KANSL1: variants seen among roughly 807,000 people sequenced by gnomAD.
The protein encoded by KANSL1 is KAT8 regulatory NSL complex subunit 1, also known as MLL1/MLL complex subunit KANSL1.
Under a neutral mutation model 103.6 loss-of-function variants are expected in KANSL1, and 22 were observed. The ratio of observed to expected loss-of-function variants is 0.21; its 90% CI spans 0.15 to 0.30. The LOEUF is 0.30. Among genes scored for constraint, KANSL1 ranks in the 10% least tolerant of loss-of-function variants. The pLI, the probability that KANSL1 is intolerant of heterozygous loss-of-function variation, is 1.00. For missense variants in KANSL1, 1,337 were observed against 1,399.8 expected, an observed-to-expected ratio of 0.96 and a Z score of 0.72; for synonymous variants, 600 against 527.6, an observed-to-expected ratio of 1.14 and a Z score of -1.88.
intron 1 of KANSL1, among the ~76,000 whole-genome samples, chr17:46,212,364 G>A (rs2048191849): frequency 1.3e-5 from 2 of 152,084 alleles, no homozygotes; most frequent in African/African-American, 4.8e-5. Context: ...GGGATTTCAG[G>A]CACGTGCCAC....
At chr17:46,090,472 T>C (rs1217706026) in intron 3 of KANSL1, among the ~76,000 whole-genome samples, 1 of 152,274 alleles carries the variant, frequency 6.6e-6, no homozygotes, top group Non-Finnish European at 1.5e-5. Context: ...CCTAGTTTTA[T>C]TCTTCCTATC....
At chr17:46,099,174 A>C (rs1201370734) in intron 2 of KANSL1, among the ~76,000 whole-genome samples, 1 of 145,024 alleles carries the variant, frequency 6.9e-6, no homozygotes, top group Non-Finnish European at 1.6e-5. Flanking sequence ...ATACAAAAAA[A>C]TTAGCCGGGC....
intron 4 of KANSL1, among the ~76,000 whole-genome samples, chr17:46,078,259 C>T (rs566012167): frequency 6.6e-6 from 1 of 152,314 alleles, no homozygotes; most frequent in South Asian, 2.1e-4. Flanking sequence ...TCAATCAAAG[C>T]CCTCAGGTTT....
intron 2 of KANSL1, among the ~76,000 whole-genome samples, chr17:46,157,188 A>G (rs1057125655): frequency 2.0e-5 from 3 of 152,248 alleles, no homozygotes; most frequent in Non-Finnish European, 4.4e-5. Flanking sequence ...GACACATTTT[A>G]GTTTCCATTC....
At chr17:46,118,154 C>G (rs929242387) in intron 2 of KANSL1, among the ~76,000 whole-genome samples, 4 of 152,136 alleles carry the variant, frequency 2.6e-5, no homozygotes, top group African/African-American at 9.7e-5. Context: ...TTTTTAAACT[C>G]TTAGATAAAA....
At position 46,066,463 on chromosome 17, in the gene KANSL1, A is replaced by T. The variant is rs373095769; in HGVS notation, c.1848+74T>A. ...GTTAGCCAAGTTTAGAAAACACCAAAGTTGGCAAGAGACTAACTCTATCTG... is the reference window on the plus strand; with the variant it reads ...GTTAGCCAAGTTTAGAAAACACCAATGTTGGCAAGAGACTAACTCTATCTG... On this transcript the variant is annotated intron_variant, in intron 6 of 14. Coordinates refer to ENST00000432791, the MANE Select transcript of KANSL1 (RefSeq NM_015443.4). 2.3e-4 allele frequency: 305 copies of T among 1,350,978 alleles called. 5 individuals are homozygous for T. In the South Asian group the frequency reaches 5.4e-3, roughly 24 times the overall value. 83.7% of individuals were successfully genotyped at this position (1,350,978 alleles called of 1,614,324 possible). A position where few individuals can be genotyped will look rare whatever the true frequency, so the allele number is the denominator to read the frequency against.
intron 1 of KANSL1, among the ~76,000 whole-genome samples, chr17:46,182,551 T>A (rs752888322): frequency 3.3e-5 from 5 of 152,258 alleles, no homozygotes; most frequent in Non-Finnish European, 7.3e-5. Context: ...CAGGGCTTCT[T>A]AACTGAAAAA....
intron 2 of KANSL1, among the ~76,000 whole-genome samples, chr17:46,136,467 A>C (rs2044149752): frequency 6.6e-6 from 1 of 152,228 alleles, no homozygotes; most frequent in Non-Finnish European, 1.5e-5. Context: ...GTCTTCCCCT[A>C]CAAATGCTAA....
intron 1 of KANSL1, among the ~76,000 whole-genome samples, chr17:46,178,303 C>T (rs1261449578): frequency 2.0e-5 from 3 of 152,216 alleles, no homozygotes; most frequent in African/African-American, 7.2e-5. Context: ...GATAAATCAT[C>T]TTTCTCCAAA....
At chr17:46,095,981 G>A (rs1053267510) in intron 2 of KANSL1, among the ~76,000 whole-genome samples, 2 of 152,080 alleles carry the variant, frequency 1.3e-5, no homozygotes, top group Middle Eastern at 3.2e-3. Flanking sequence ...ATGGGAAAAC[G>A]CACAGTCTCA....
intron 4 of KANSL1, among the ~76,000 whole-genome samples, chr17:46,076,474 T>C (rs921533507): frequency 4.3e-5 from 6 of 141,014 alleles, no homozygotes; most frequent in Admixed American, 7.7e-5. Context: ...CCAGCCCGAG[T>C]GACAGGGAGA....
At chr17:46,156,185 T>C (rs1371703725) in intron 2 of KANSL1, among the ~76,000 whole-genome samples, 1 of 152,114 alleles carries the variant, frequency 6.6e-6, no homozygotes, top group Non-Finnish European at 1.5e-5. Context: ...CCATCTCTAC[T>C]AGAAATACAA....
At chr17:46,178,391 A>G (rs1297408687) in intron 1 of KANSL1, among the ~76,000 whole-genome samples, 3 of 152,280 alleles carry the variant, frequency 2.0e-5, no homozygotes, top group East Asian at 3.8e-4. Context: ...GGCTGAGATT[A>G]TAATTTCTAA....
At chr17:46,085,191 TAGTC>T (rs1379455858) in intron 3 of KANSL1, among the ~76,000 whole-genome samples, 6 of 152,202 alleles carry the variant, frequency 3.9e-5, no homozygotes. Flanking sequence ...TAAGGGTTAT[TAGTC>T]AGTAGAAGGT....
chr17:46,083,384 T>C (rs572659454), intron 3 of KANSL1, among the ~76,000 whole-genome samples: 2 of 152,256 alleles, frequency 1.3e-5, no homozygotes, highest in African/African-American at 2.4e-5. Context: ...GTCTAAAAAA[T>C]AGAGATCTAA....
chr17:46,158,124 A>G (rs2045530547), intron 2 of KANSL1, among the ~76,000 whole-genome samples: 1 of 152,268 alleles, frequency 6.6e-6, no homozygotes, highest in Admixed American at 6.5e-5. Flanking sequence ...CCTAAAAAGC[A>G]GTAACTGAAA....
chr17:46,183,780 G>A (rs1208184473), intron 1 of KANSL1, among the ~76,000 whole-genome samples: 7 of 152,062 alleles, frequency 4.6e-5, no homozygotes, highest in Admixed American at 6.6e-5. Flanking sequence ...GCGAAACCCC[G>A]TCTTTGCCTG....
At chr17:46,138,067 T>C (rs1253567979) in intron 2 of KANSL1, among the ~76,000 whole-genome samples, 3 of 152,164 alleles carry the variant, frequency 2.0e-5, no homozygotes, top group Non-Finnish European at 4.4e-5. Context: ...TAGCCAAGAA[T>C]AGAAGCCACA....
At chr17:46,166,114 G>C (rs933105244) in intron 2 of KANSL1, among the ~76,000 whole-genome samples, 1 of 151,480 alleles carries the variant, frequency 6.6e-6, no homozygotes, top group Non-Finnish European at 1.5e-5. Context: ...TCAGGAGGCT[G>C]AGGCAGAAGA....
Sources: gnomAD v4.1 joint callset for allele counts (sites outside exome capture counted in the v4.1 genomes callset) on GRCh38, gnomAD v4.1.1 for gene constraint, MANE v1.5 for transcripts, NCBI Gene and HGNC (gene_info 2026-07-23, HGNC 2026-07-21) for gene names.